Variants in STIM2 observed in about 807,000 individuals in gnomAD.
STIM2 encodes the protein stromal interaction molecule 2.
Under a neutral mutation model 85.8 loss-of-function variants are expected in STIM2, and 31 were observed. The ratio of observed to expected loss-of-function variants is 0.36; its 90% CI spans 0.27 to 0.49. The LOEUF is 0.49. Among genes scored for constraint, STIM2 ranks in the 20% least tolerant of loss-of-function variants. The pLI is 0.98. For missense variants in STIM2, 841 were observed against 927.6 expected (o/e 0.91, Z 1.21); for synonymous variants, 356 against 331.1 (o/e 1.08, Z -0.82).
At chr4:26,939,485 A>G (rs1199233803) in intron 2 of STIM2, among the ~76,000 whole-genome samples, 1 of 152,226 alleles carries the variant, frequency 6.6e-6, no homozygotes, top group Non-Finnish European at 1.5e-5. Context: ...TCGGATAAAG[A>G]TAACTTTTTA....
At chr4:27,012,720 T>TA (rs1728600111) in intron 10 of STIM2, among the ~76,000 whole-genome samples, 1 of 152,044 alleles carries the variant, frequency 6.6e-6, no homozygotes, top group Non-Finnish European at 1.5e-5. Context: ...CTGCAGGCAA[T>TA]AGGGATTGCC....
At chr4:27,019,385 C>A in intron 11 of STIM2, 2 of 1,276,532 alleles carry the variant, frequency 1.6e-6, no homozygotes, top group South Asian at 1.2e-5. Context: ...ACTAGCTTTT[C>A]GTCTGTCTTT....
In STIM2 at chr4:26,999,556, A is replaced by G. The variant is rs549120194; in HGVS notation, c.625+209A>G. 3.4e-3 allele frequency among the ~76,000 whole-genome samples: 515 copies of G among 152,328 alleles called. 7 individuals are homozygous for G. The highest frequency in any genetic ancestry group is 0.012 in the African/African-American group (496 of 41,570). Reference sequence around the variant, plus strand: ...TGTGAAATTTTCAAAGCTGGTTACTAATGTAAGAAGTTATATAAAAAACTA... The same window carrying G: ...TGTGAAATTTTCAAAGCTGGTTACTGATGTAAGAAGTTATATAAAAAACTA... On this transcript the variant is annotated intron_variant, in intron 5 of 11. Coordinates refer to ENST00000467087, the MANE Select transcript of STIM2 (RefSeq NM_020860.4).
At chr4:26,938,772 CTT>C (rs1425786598) in intron 2 of STIM2, among the ~76,000 whole-genome samples, 1 of 152,136 alleles carries the variant, frequency 6.6e-6, no homozygotes, top group African/African-American at 2.4e-5. Context: ...AGTGTTCTCT[CTT>C]ATAGATAAGG....
intron 1 of STIM2, among the ~76,000 whole-genome samples, chr4:26,891,724 TTC>T (rs1723498828): frequency 1.3e-5 from 2 of 152,100 alleles, no homozygotes. Context: ...CTACTAGACA[TTC>T]TGTCTGTCTT....
intron 1 of STIM2, among the ~76,000 whole-genome samples, chr4:26,916,456 A>T (rs559984652): frequency 6.6e-6 from 1 of 152,166 alleles, no homozygotes; most frequent in Non-Finnish European, 1.5e-5. Flanking sequence ...TCACCATCCT[A>T]TTCCACTGTC....
At chr4:26,969,616 A>AT (rs1158164154) in intron 3 of STIM2, among the ~76,000 whole-genome samples, 6 of 152,124 alleles carry the variant, frequency 3.9e-5, no homozygotes, top group Non-Finnish European at 8.8e-5. Context: ...AGTTGTCTAA[A>AT]TTTCTCTCAT....
At chr4:26,961,507 G>T (rs945151747) in intron 3 of STIM2, among the ~76,000 whole-genome samples, 1 of 152,148 alleles carries the variant, frequency 6.6e-6, no homozygotes, top group Non-Finnish European at 1.5e-5. Flanking sequence ...CACTGCATTG[G>T]ATCCTGGGGA....
At chr4:27,004,213 A>G (rs531202814) in intron 7 of STIM2, among the ~76,000 whole-genome samples, 126 of 152,300 alleles carry the variant, frequency 8.3e-4, no homozygotes, top group Admixed American at 1.4e-3. Flanking sequence ...CATCTTTTTT[A>G]TAACTGTTAA....
At chr4:26,985,568 A>C (rs1727553462) in intron 3 of STIM2, among the ~76,000 whole-genome samples, 1 of 152,208 alleles carries the variant, frequency 6.6e-6, no homozygotes, top group Non-Finnish European at 1.5e-5. Context: ...TACTTTTATT[A>C]ATAATGTTTA....
intron 2 of STIM2, among the ~76,000 whole-genome samples, chr4:26,948,122 C>G (rs1725912421): frequency 6.6e-6 from 1 of 152,196 alleles, no homozygotes; most frequent in Non-Finnish European, 1.5e-5. Flanking sequence ...CACCTGTCAT[C>G]AGAACTCTGC....
At chr4:26,970,339 C>A (rs1396342635) in intron 3 of STIM2, among the ~76,000 whole-genome samples, 1 of 151,576 alleles carries the variant, frequency 6.6e-6, no homozygotes, top group African/African-American at 2.4e-5. Flanking sequence ...TGTTGGTTTG[C>A]TGCACCCATT....
At chr4:26,972,480 T>A (rs897116480) in intron 3 of STIM2, among the ~76,000 whole-genome samples, 3 of 152,186 alleles carry the variant, frequency 2.0e-5, no homozygotes, top group Non-Finnish European at 4.4e-5. Context: ...AGCCCTTTTC[T>A]TCATCTGTTG....
rs925949385 is a variant in STIM2 at position 26,992,363 on chromosome 4, A to G, written c.398-3016A>G. 9.2e-5 allele frequency among the ~76,000 whole-genome samples: 14 copies of G among 152,176 alleles called. No homozygotes were observed. The East Asian group carries it at 2.3e-3, about 25-fold the overall frequency. ...GAAATAAACAGTTGTTGAAGTAACA[A>G]TCATACAGATAAGTAGTTATAGTTA... On this transcript the variant is annotated intron_variant, in intron 3 of 11. Coordinates refer to ENST00000467087, the MANE Select transcript of STIM2 (RefSeq NM_020860.4).
At chr4:26,979,552 T>A (rs1727307998) in intron 3 of STIM2, among the ~76,000 whole-genome samples, 1 of 152,216 alleles carries the variant, frequency 6.6e-6, no homozygotes. Flanking sequence ...TGGTGAATTT[T>A]TGCCAAATGA....
chr4:26,902,153 A>G (rs188914049), intron 1 of STIM2, among the ~76,000 whole-genome samples: 1 of 152,252 alleles, frequency 6.6e-6, no homozygotes, highest in African/African-American at 2.4e-5. Flanking sequence ...GGGGAATACA[A>G]TGTAGCGTGG....
intron 2 of STIM2, among the ~76,000 whole-genome samples, chr4:26,927,939 C>T (rs1052372643): frequency 6.7e-6 from 1 of 149,798 alleles, no homozygotes; most frequent in Non-Finnish European, 1.5e-5. Context: ...TAGCAGGGTA[C>T]TATAGACTGG....
intron 10 of STIM2, 100 bp downstream of exon 10, chr4:27,009,102 A>G (rs1728473257): frequency 3.8e-6 from 4 of 1,053,652 alleles, no homozygotes; most frequent in East Asian, 2.4e-5. Flanking sequence ...GTGAGAAAAA[A>G]TTGGGTTTAT....
chr4:26,992,255 A>G (rs1727794412), intron 3 of STIM2, among the ~76,000 whole-genome samples: 1 of 152,186 alleles, frequency 6.6e-6, no homozygotes, highest in Non-Finnish European at 1.5e-5. Flanking sequence ...ACGTCATTCA[A>G]CAGCATCCAA....
Sources: gnomAD v4.1 joint callset for allele counts (sites outside exome capture counted in the v4.1 genomes callset) on GRCh38, gnomAD v4.1.1 for gene constraint, MANE v1.5 for transcripts, NCBI Gene and HGNC (gene_info 2026-07-23, HGNC 2026-07-21) for gene names.